The following DHX36 variants were observed in gnomAD, a reference collection of about 807,000 sequenced individuals.
The protein encoded by DHX36 is ATP-dependent DNA/RNA helicase DHX36.
DHX36 carries 50 observed loss-of-function variants against 139.0 expected under a neutral mutation model. The observed-to-expected ratio is 0.36, with a 90% confidence interval of 0.29 to 0.46. The LOEUF (loss-of-function observed/expected upper bound fraction) is 0.46, where lower values mean the gene tolerates loss of function less well. DHX36 is among the 20% of genes least tolerant of loss of function. The pLI is 1.00. For missense variants in DHX36, 1,024 were observed against 1,211.3 expected (o/e 0.85, Z 2.29); for synonymous variants, 425 against 401.9 (o/e 1.06, Z -0.69).
At chr3:154,307,122 G>A (rs1712534887) in intron 5 of DHX36, among the ~76,000 whole-genome samples, 1 of 151,930 alleles carries the variant, frequency 6.6e-6, no homozygotes, top group Admixed American at 6.6e-5. Flanking sequence ...CAATTTCCTG[G>A]AATATAGTCC....
chr3:154,310,835 A>G (rs1205792191), intron 4 of DHX36, among the ~76,000 whole-genome samples: 2 of 101,668 alleles, frequency 2.0e-5, no homozygotes, highest in African/African-American at 7.2e-5. Flanking sequence ...ATATATATAT[A>G]TATATATATA....
intron 20 of DHX36, 40 bp from the exon 21 acceptor site, chr3:154,280,902 C>G: frequency 1.4e-6 from 2 of 1,466,526 alleles, no homozygotes; most frequent in Non-Finnish European, 1.9e-6. Flanking sequence ...GAATACCTTT[C>G]ACACATTGAG....
chr3:154,274,499 A>G lies in DHX36; in HGVS notation c.*1672T>C, dbSNP rs1719090951. ...AGGCTCTGGTGAGTTCTATCTTTCC[A>G]CTGAGCTAACCTCAGTCTGAGTCCG... On this transcript the variant is annotated 3_prime_UTR_variant, in exon 25 of 25. Transcript: ENST00000496811. The G allele has an allele frequency of 6.6e-6, 1 of 152,388 alleles. No individual in the cohort carries two copies. The allele number at this position is 152,388 out of a possible 1,614,324, so 9.4% of individuals were successfully genotyped here. A position where few individuals can be genotyped will look rare whatever the true frequency, so the allele number is the denominator to read the frequency against.
intron 4 of DHX36, among the ~76,000 whole-genome samples, chr3:154,310,855 A>C (rs1176915001): frequency 9.0e-6 from 1 of 110,902 alleles, no homozygotes; most frequent in East Asian, 2.8e-4. Context: ...ATATATATGT[A>C]TATACATATA....
At chr3:154,276,680 G>T in intron 24 of DHX36, 67 bp downstream of exon 24, 1 of 1,502,592 alleles carries the variant, frequency 6.7e-7, no homozygotes, top group South Asian at 1.2e-5. Flanking sequence ...TTAACAGTTA[G>T]AACAAAACCA....
At chr3:154,286,513 GAA>G (rs1291056984) in intron 17 of DHX36, among the ~76,000 whole-genome samples, 2 of 150,514 alleles carry the variant, frequency 1.3e-5, no homozygotes, top group Admixed American at 6.6e-5. Flanking sequence ...CACTAACCTA[GAA>G]GATTAGTGGT....
At chr3:154,322,217 T>C (rs1245992351) in intron 1 of DHX36, among the ~76,000 whole-genome samples, 2 of 152,178 alleles carry the variant, frequency 1.3e-5, no homozygotes, top group Non-Finnish European at 2.9e-5. Context: ...GCGGTAAACC[T>C]GTTACGTTGA....
intron 24 of DHX36, 57 bp downstream of exon 24, chr3:154,276,690 A>C: frequency 6.5e-7 from 1 of 1,545,744 alleles, no homozygotes; most frequent in Non-Finnish European, 8.9e-7. Context: ...GAACAAAACC[A>C]CATGACCACA....
chr3:154,286,166 C>CAAAAAAAAAAAAA (rs60041573), intron 17 of DHX36, among the ~76,000 whole-genome samples: 1 of 16,580 alleles, frequency 6.0e-5, no homozygotes, highest in African/African-American at 1.9e-4. Context: ...TTCCACACAC[C>CAAAAAAAAAAAAA]AAAAAAAAAA....
intron 3 of DHX36, among the ~76,000 whole-genome samples, chr3:154,314,042 A>C (rs1712867578): frequency 6.6e-6 from 1 of 152,224 alleles, no homozygotes; most frequent in Admixed American, 6.5e-5. Context: ...GAACTAGATC[A>C]ATCACCCATC....
In DHX36 at chr3:154,289,845, C is replaced by T. The variant is rs1254464489; in HGVS notation, c.1815-19G>A. 2.1e-6 allele frequency: 3 copies of T among 1,437,014 alleles called. No homozygotes were observed. In the African/African-American group the frequency reaches 4.3e-5, roughly 21 times the overall value. 89.0% of individuals were successfully genotyped at this position (1,437,014 alleles called of 1,614,324 possible). ...TTGAACTCTTAAAAAAAAAACAAAA[C>T]AAAATGAAACAAAGAGGGACAGTCA... On this transcript the variant is annotated intron_variant, in intron 15 of 24. Transcript: ENST00000496811.
At chr3:154,324,061 A>C in intron 1 of DHX36, 113 bp downstream of exon 1, 1 of 1,241,724 alleles carries the variant, frequency 8.1e-7, no homozygotes, top group Non-Finnish European at 1.1e-6. Context: ...CCTCATTTAC[A>C]TTTCACAAAA....
intron 3 of DHX36, among the ~76,000 whole-genome samples, chr3:154,313,875 C>T (rs1712861937): frequency 6.6e-6 from 1 of 152,250 alleles, no homozygotes; most frequent in Admixed American, 6.5e-5. Context: ...AGGTAGGTCA[C>T]TTAAATCTTT....
At chr3:154,317,794 T>C (rs1390566451) in intron 1 of DHX36, among the ~76,000 whole-genome samples, 1 of 151,762 alleles carries the variant, frequency 6.6e-6, no homozygotes, top group Non-Finnish European at 1.5e-5. Context: ...GACAGCAATG[T>C]GTAAAATACT....
rs1559958764 is a variant in DHX36, at chr3:154,312,883, ATATATATATATATATAT to A, written c.604-1226_604-1210del. Among the ~76,000 whole-genome samples the A allele has an allele frequency of 8.7e-3, 1,017 of 116,628 alleles. 32 individuals carry two copies. The highest frequency in any genetic ancestry group is 0.033 in the African/African-American group (956 of 29,050). 76.5% of individuals were successfully genotyped at this position (116,628 alleles called of 152,430 possible). ...TATATATATATATATATATATATATATATATATATATATATATAAAATAAATAAAGAACTGTCTTTGG... is the reference window on the plus strand; with the variant it reads ...TATATATATATATATATATATATATAAAAATAAATAAAGAACTGTCTTTGG... On this transcript the variant is annotated intron_variant, in intron 3 of 24. Transcript: ENST00000496811.
rs374625991 is a variant in DHX36 at position 154,309,849 on chromosome 3, T to C, written c.643-26A>G. 8 of 1,509,528 alleles carry C rather than the reference T, an allele frequency of 5.3e-6. No homozygotes were observed. In the African/African-American group the frequency reaches 5.6e-5, roughly 11 times the overall value. The allele number at this position is 1,509,528 out of a possible 1,614,324, so 93.5% of individuals were successfully genotyped here. On this transcript the variant is annotated intron_variant, in intron 4 of 24. Coordinates refer to ENST00000496811, the MANE Select transcript of DHX36 (RefSeq NM_020865.3). ...CTATTTCAAAAGGGAAAATAAAGAA[T>C]ATCACATGTTGACTAAGTCTGAAAA...
chr3:154,306,027 C>T (rs1352871587), intron 6 of DHX36, among the ~76,000 whole-genome samples, 189 bp downstream of exon 6: 2 of 152,096 alleles, frequency 1.3e-5, no homozygotes, highest in Non-Finnish European at 2.9e-5. Flanking sequence ...TTAAAAAAGG[C>T]AATACAAGTC....
intron 12 of DHX36, among the ~76,000 whole-genome samples, chr3:154,299,441 C>CA (rs1341215583): frequency 2.6e-5 from 4 of 152,086 alleles, no homozygotes; most frequent in African/African-American, 7.2e-5. Flanking sequence ...CATACAGGAT[C>CA]AAAATCACTT....
At chr3:154,310,834 T>A (rs1436819824) in intron 4 of DHX36, among the ~76,000 whole-genome samples, 795 of 72,830 alleles carry the variant, frequency 0.011, 13 homozygotes, top group Non-Finnish European at 0.013. Context: ...TATATATATA[T>A]ATATATATAT....
Sources: gnomAD v4.1 joint callset for allele counts (sites outside exome capture counted in the v4.1 genomes callset) on GRCh38, gnomAD v4.1.1 for gene constraint, MANE v1.5 for transcripts, NCBI Gene and HGNC (gene_info 2026-07-23, HGNC 2026-07-21) for gene names.